SMYD3: variants seen among roughly 807,000 people sequenced by gnomAD.
SMYD3 encodes the protein SET and MYND domain containing 3, also known as histone-lysine N-methyltransferase SMYD3.
A neutral mutation model predicts 57.7 loss-of-function variants in SMYD3; 36 were observed. The ratio of observed to expected loss-of-function variants is 0.62; its 90% CI spans 0.48 to 0.82. The LOEUF (loss-of-function observed/expected upper bound fraction) is 0.82. Among genes scored for constraint, SMYD3 ranks in the 40% least tolerant of loss-of-function variants. The pLI is 0.00. For missense variants in SMYD3, 515 were observed against 538.8 expected, an observed-to-expected ratio of 0.96 and a Z score of 0.44; for synonymous variants, 211 against 195.0, an observed-to-expected ratio of 1.08 and a Z score of -0.68.
chr1:246,324,401 G>A (rs1261275094), intron 5 of SMYD3, among the ~76,000 whole-genome samples: 1 of 131,432 alleles, frequency 7.6e-6, no homozygotes, highest in Non-Finnish European at 1.6e-5. Context: ...GGCGACAAGA[G>A]CGAAAACTCC....
chr1:246,482,963 T>C (rs2068130745), intron 1 of SMYD3, among the ~76,000 whole-genome samples: 1 of 152,180 alleles, frequency 6.6e-6, no homozygotes. Flanking sequence ...ATGAAACTAG[T>C]TAACCCAAAT....
intron 11 of SMYD3, among the ~76,000 whole-genome samples, chr1:245,757,972 G>A (rs2045680541): frequency 6.6e-6 from 1 of 152,090 alleles, no homozygotes; most frequent in South Asian, 2.1e-4. Context: ...AAAAGCCATT[G>A]GGATTTTGAT....
chr1:246,267,468 C>T (rs928146514), intron 5 of SMYD3, among the ~76,000 whole-genome samples: 9 of 152,160 alleles, frequency 5.9e-5, no homozygotes, highest in African/African-American at 2.2e-4. Context: ...CATATGAACA[C>T]TTTGGGGAAA....
intron 10 of SMYD3, among the ~76,000 whole-genome samples, chr1:245,857,887 C>T (rs1433167425): frequency 1.3e-5 from 2 of 152,184 alleles, no homozygotes; most frequent in African/African-American, 4.8e-5. Flanking sequence ...GGCAAAACAC[C>T]TACTGGTCTC....
chr1:245,987,981 CTG>C (rs1461329787), intron 5 of SMYD3, among the ~76,000 whole-genome samples: 3 of 152,196 alleles, frequency 2.0e-5, no homozygotes, highest in Non-Finnish European at 2.9e-5. Context: ...GGCCAGAAAA[CTG>C]TATTTTTATA....
chr1:246,203,506 C>T lies in SMYD3; in HGVS notation c.531+123695G>A, dbSNP rs920853751. Among the ~76,000 whole-genome samples, 1 of 152,162 alleles carries T rather than the reference C, an allele frequency of 6.6e-6. No homozygotes were observed. Among genetic ancestry groups the T allele is most frequent in the South Asian group, 2.1e-4 (1 of 4,832 alleles). ...AAGTATCTATAGGTTTGGTTTCCTC[C>T]GAGCCCTCTCTGGCTGGAGGAGCCA... On this transcript the variant is annotated intron_variant, in intron 5 of 11. Transcript: ENST00000490107. The surrounding 1 kb of genome is among the most constrained non-coding windows in gnomAD (Gnocchi z 4.6).
At chr1:246,182,521 CT>C (rs11313413) in intron 5 of SMYD3, among the ~76,000 whole-genome samples, 10,710 of 152,220 alleles carry the variant, frequency 0.07, 539 homozygotes, top group African/African-American at 0.13. Flanking sequence ...AAGCTGGGTC[CT>C]CACCTAGATA....
intron 10 of SMYD3, among the ~76,000 whole-genome samples, chr1:245,783,199 A>G (rs1228828253): frequency 1.3e-5 from 2 of 152,190 alleles, no homozygotes; most frequent in African/African-American, 2.4e-5. Flanking sequence ...GAAGGCTGAG[A>G]TATGAGGAGC....
At chr1:245,994,874 T>G (rs1265189487) in intron 5 of SMYD3, among the ~76,000 whole-genome samples, 5 of 151,892 alleles carry the variant, frequency 3.3e-5, no homozygotes, top group Admixed American at 6.6e-5. Flanking sequence ...CGCCTGTAAT[T>G]CCAGCACTTT....
chr1:246,246,495 G>A (rs376561108), intron 5 of SMYD3, among the ~76,000 whole-genome samples: 2 of 152,094 alleles, frequency 1.3e-5, no homozygotes, highest in Admixed American at 6.6e-5. Context: ...CATAAGTGGA[G>A]TATATTATTT....
chr1:245,764,081 T>G lies in SMYD3; in HGVS notation c.1145A>C (p.His382Pro). 6.2e-7 allele frequency: 1 copy of G among 1,614,128 alleles called. No individual in the cohort carries two copies. Among genetic ancestry groups the G allele is most frequent in the Non-Finnish European group, 8.5e-7 (1 of 1,180,006 alleles). Residue 382 changes from histidine to proline, a missense_variant, in exon 11 of 12, where the codon CAT becomes CCT. Physicochemically the swap from His to Pro is moderately conservative, Grantham distance 77 (BLOSUM62 -2). Transcript: ENST00000490107. ...QVMKVGKLQL[H>P]QGMFPQAMKN... Reference sequence around the variant, plus strand: ...CATTGCTTGGGGAAACATGCCTTGATGTAGCTGCAGTTTGCCAACTTTCAT... The same window carrying G: ...CATTGCTTGGGGAAACATGCCTTGAGGTAGCTGCAGTTTGCCAACTTTCAT...
At chr1:246,219,628 A>C (rs943065397) in intron 5 of SMYD3, among the ~76,000 whole-genome samples, 9 of 152,166 alleles carry the variant, frequency 5.9e-5, no homozygotes, top group African/African-American at 2.2e-4. Context: ...GCCTCATGCG[A>C]AAAGGCAGAG....
At chr1:246,289,749 C>T (rs1481006161) in intron 5 of SMYD3, among the ~76,000 whole-genome samples, 1 of 152,094 alleles carries the variant, frequency 6.6e-6, no homozygotes, top group African/African-American at 2.4e-5. Context: ...GGAGATTTTA[C>T]CTGCATCTAA....
intron 1 of SMYD3, among the ~76,000 whole-genome samples, chr1:246,378,576 G>A (rs2148744362): frequency 6.8e-6 from 1 of 146,862 alleles, no homozygotes; most frequent in African/African-American, 2.5e-5. Context: ...TTGTTCCTCA[G>A]CCTGCAGATG....
intron 5 of SMYD3, among the ~76,000 whole-genome samples, chr1:246,091,284 C>T (rs1384789158): frequency 2.0e-5 from 3 of 152,164 alleles, no homozygotes; most frequent in African/African-American, 4.8e-5. Context: ...CTGGCTGGGG[C>T]TACCGCCCAG....
rs927282200 is a variant in SMYD3 at position 245,812,475 on chromosome 1, G to A, written c.1076+46021C>T. Among the ~76,000 whole-genome samples the A allele has an allele frequency of 3.9e-5, 6 of 152,106 alleles. No individual in the cohort carries two copies. In the East Asian group the frequency reaches 1.2e-3, roughly 29 times the overall value. ...GGAAGACATTGGTCCTGTGCTCTACGAGAGGGTGTGCCCAACCACCACTGT... is the reference window on the plus strand; with the variant it reads ...GGAAGACATTGGTCCTGTGCTCTACAAGAGGGTGTGCCCAACCACCACTGT... On this transcript the variant is annotated intron_variant, in intron 10 of 11. Transcript: ENST00000490107.
intron 10 of SMYD3, among the ~76,000 whole-genome samples, chr1:245,818,305 G>A (rs1377084569): frequency 4.6e-5 from 7 of 152,086 alleles, no homozygotes; most frequent in African/African-American, 1.4e-4. Flanking sequence ...AGCTTCATAA[G>A]TGAAGGAGAA....
At chr1:246,399,073 G>A (rs879838452) in intron 1 of SMYD3, among the ~76,000 whole-genome samples, 12 of 152,232 alleles carry the variant, frequency 7.9e-5, no homozygotes, top group Admixed American at 2.0e-4. Context: ...CCAGGCTGCA[G>A]TGCAGTGGCA....
chr1:245,891,129 G>C (rs1280350576), intron 8 of SMYD3, among the ~76,000 whole-genome samples: 6 of 152,092 alleles, frequency 3.9e-5, no homozygotes, highest in African/African-American at 1.4e-4. Context: ...AATATAATCA[G>C]ATAGAATGAA....
Sources: allele counts gnomAD v4.1 joint callset (sites outside exome capture counted in the v4.1 genomes callset), GRCh38; gene constraint gnomAD v4.1.1; non-coding constraint Gnocchi (gnomAD v3.1); transcripts MANE v1.5; gene names NCBI Gene and HGNC (gene_info 2026-07-23, HGNC 2026-07-21).